Variants in SLCO1C1 observed in about 807,000 individuals in gnomAD.
SLCO1C1 encodes solute carrier organic anion transporter family member 1C1, also known as OAT-RP-5.
A neutral mutation model predicts 76.4 loss-of-function variants in SLCO1C1; 70 were observed. The observed-to-expected ratio is 0.92, with a 90% confidence interval of 0.76 to 1.12. The LOEUF (loss-of-function observed/expected upper bound fraction) is 1.12. Ranked by LOEUF, SLCO1C1 falls within the 50% of genes most tolerant of loss-of-function variation. SLCO1C1 has a pLI of 0.00. For missense variants in SLCO1C1, 912 were observed against 823.8 expected (o/e 1.11, Z -1.31); for synonymous variants, 306 against 286.1 (o/e 1.07, Z -0.70).
intron 6 of SLCO1C1, among the ~76,000 whole-genome samples, chr12:20,715,592 G>T (rs2120706850): frequency 6.6e-6 from 1 of 152,282 alleles, no homozygotes; most frequent in South Asian, 2.1e-4. Context: ...TCTTTTTAGT[G>T]GGTTAACTGT....
chr12:20,699,243 A>C (rs925435746), intron 1 of SLCO1C1, among the ~76,000 whole-genome samples: 2 of 152,016 alleles, frequency 1.3e-5, no homozygotes, highest in Non-Finnish European at 2.9e-5. Flanking sequence ...AACTGGCAAG[A>C]CCACAAAGTT....
intron 1 of SLCO1C1, among the ~76,000 whole-genome samples, chr12:20,698,117 T>C (rs1210400689): frequency 6.6e-6 from 1 of 152,038 alleles, no homozygotes; most frequent in Non-Finnish European, 1.5e-5. Flanking sequence ...TTAAACTTAC[T>C]TCAACATTCG....
At chr12:20,726,042 G>A (rs1008768410) in intron 9 of SLCO1C1, among the ~76,000 whole-genome samples, 1 of 152,046 alleles carries the variant, frequency 6.6e-6, no homozygotes, top group Non-Finnish European at 1.5e-5. Context: ...AGTATGGGGT[G>A]CAGCCGACTA....
intron 13 of SLCO1C1, among the ~76,000 whole-genome samples, chr12:20,746,765 G>T (rs368247082): frequency 6.6e-6 from 1 of 150,998 alleles, no homozygotes; most frequent in Admixed American, 6.6e-5. Flanking sequence ...ATGTTATAAA[G>T]AAGAATTAAA....
At chr12:20,697,912 C>T (rs900222925) in intron 1 of SLCO1C1, among the ~76,000 whole-genome samples, 3 of 152,022 alleles carry the variant, frequency 2.0e-5, no homozygotes, top group Non-Finnish European at 4.4e-5. Context: ...TTATCTGTTT[C>T]CATTATCGGC....
rs146526055 is a variant in SLCO1C1, at chr12:20,711,440, G to A, written c.459G>A (p.Pro153=). Residue 153 remains proline, a synonymous_variant, in exon 5 of 15, where the codon CCG becomes CCA. Coordinates refer to ENST00000266509, the MANE Select transcript of SLCO1C1 (RefSeq NM_017435.5). ...PSSNSTLSIS[P]CLLESSSQLP... ...CCAATTCCACTCTCAGCATCTCTCCGTGTCTCCTAGAGTCAAGCAGTCAAT... is the reference window on the plus strand; with the variant it reads ...CCAATTCCACTCTCAGCATCTCTCCATGTCTCCTAGAGTCAAGCAGTCAAT... The A allele has an allele frequency of 7.1e-5, 114 of 1,613,732 alleles. No homozygotes were observed. Among genetic ancestry groups the A allele is most frequent in the African/African-American group, 5.7e-4 (43 of 75,004 alleles).
intron 5 of SLCO1C1, among the ~76,000 whole-genome samples, chr12:20,713,689 G>A (rs1423799692): frequency 6.6e-6 from 1 of 152,200 alleles, no homozygotes; most frequent in African/African-American, 2.4e-5. Context: ...CAGCAGAGCT[G>A]TCCACAGAAC....
rs187400489 is a variant in SLCO1C1, at chr12:20,731,906, A to G, written c.1187-1003A>G. Among the ~76,000 whole-genome samples the G allele has an allele frequency of 5.4e-4, 83 of 152,342 alleles. 1 individual carries two copies. The Middle Eastern group carries it at 0.017, about 31-fold the overall frequency. On this transcript the variant is annotated intron_variant, in intron 9 of 14. Transcript: ENST00000266509. ...AACATTGTGCTGATAACTCTTCACA[A>G]ATAATGGAATTTAGTTACCTCAATA... is the stretch of plus-strand genomic sequence containing the variant.
rs900233717 is a variant in SLCO1C1 at position 20,738,840 on chromosome 12, T to C, written c.1549-1344T>C. Among the ~76,000 whole-genome samples, 11 of 152,166 alleles carry C rather than the reference T, an allele frequency of 7.2e-5. No homozygotes were observed. In the East Asian group the frequency reaches 7.7e-4, roughly 11 times the overall value. On this transcript the variant is annotated intron_variant, in intron 11 of 14. Coordinates refer to ENST00000266509, the MANE Select transcript of SLCO1C1 (RefSeq NM_017435.5). ...TCATGTGAGAACTGAGGCACTGAGA[T>C]ACAAAGGACTTGCTTAACTCATTTA...
chr12:20,705,287 T>C (rs1334640940), intron 3 of SLCO1C1, among the ~76,000 whole-genome samples: 1 of 151,980 alleles, frequency 6.6e-6, no homozygotes, highest in Non-Finnish European at 1.5e-5. Context: ...GCACATTTTA[T>C]AGAGATTTTG....
intron 3 of SLCO1C1, among the ~76,000 whole-genome samples, chr12:20,702,762 A>G (rs1515779): frequency 0.039 from 5,903 of 151,992 alleles, 133 homozygotes; most frequent in Middle Eastern, 0.065. Context: ...ACAAGGAGAA[A>G]GAGGTAACTG....
At chr12:20,732,852 GT>G (rs1948355024) in intron 9 of SLCO1C1, 56 bp from the exon 10 acceptor site, 1 of 1,575,920 alleles carries the variant, frequency 6.3e-7, no homozygotes, top group Non-Finnish European at 8.7e-7. Flanking sequence ...GTTTGTGTTA[GT>G]ACACTCAAAT....
In SLCO1C1 at chr12:20,714,131, G is replaced by A. The variant is rs115301847; in HGVS notation, c.530-1008G>A. On this transcript the variant is annotated intron_variant, in intron 5 of 14. Coordinates refer to ENST00000266509, the MANE Select transcript of SLCO1C1 (RefSeq NM_017435.5). ...AGGAGTCTTTTCTGTTAGTTATGCAGTCTGATTCACTTGCCCAAAGGTGTT... is the reference window on the plus strand; with the variant it reads ...AGGAGTCTTTTCTGTTAGTTATGCAATCTGATTCACTTGCCCAAAGGTGTT... Among the ~76,000 whole-genome samples the A allele has an allele frequency of 8.4e-4, 128 of 152,300 alleles. 1 individual carries two copies. Among genetic ancestry groups the A allele is most frequent in the African/African-American group, 2.7e-3 (112 of 41,570 alleles).
chr12:20,709,046 G>A (rs967911746), intron 4 of SLCO1C1, among the ~76,000 whole-genome samples: 3 of 152,148 alleles, frequency 2.0e-5, no homozygotes, highest in Non-Finnish European at 2.9e-5. Flanking sequence ...TTGGAGAATT[G>A]ATTCTGGTGG....
In SLCO1C1 at chr12:20,722,019, G is replaced by C. The variant is rs1236459155; in HGVS notation, c.991G>C (p.Glu331Gln). 1.2e-6 allele frequency: 2 copies of C among 1,613,414 alleles called. No homozygotes were observed. Among genetic ancestry groups the C allele is most frequent in the African/African-American group, 2.7e-5 (2 of 74,888 alleles). Residue 331 changes from glutamate (E) to glutamine (Q), a missense_variant, in exon 8 of 15, where the codon GAA (glutamate) becomes CAA (glutamine). By Grantham distance (29) the Glu-to-Gln change is conservative. Transcript: ENST00000266509. ...CACAGACTACCAAACACCCCAGGGA[G>C]AAAATGCAAAAATAATGGAAATGGC... ...DHTDYQTPQG[E>Q]NAKIMEMARD...
rs776575826 is a variant in SLCO1C1 at position 20,721,827 on chromosome 12, G to T, written c.799G>T (p.Asp267Tyr). 12 of 1,613,950 alleles carry T rather than the reference G, an allele frequency of 7.4e-6. No homozygotes were observed. Among genetic ancestry groups the T allele is most frequent in the East Asian group, 2.2e-5 (1 of 44,888 alleles). ...AGATCACATAACCATTACCCCAAAA[G>T]ATCCCCAGTGGGTAGGAGCCTGGTG... Reference protein sequence around the residue: ...NLDHITITPKDPQWVGAWWLG... With the variant: ...NLDHITITPKYPQWVGAWWLG... Residue 267 changes from aspartate to tyrosine, a missense_variant, in exon 8 of 15, where the codon GAT (aspartate) becomes TAT (tyrosine). Asp to Tyr is a radical substitution (Grantham distance 160, BLOSUM62 -3). Transcript: ENST00000266509.
chr12:20,731,809 C>A (rs566927937), intron 9 of SLCO1C1, among the ~76,000 whole-genome samples: 4 of 152,300 alleles, frequency 2.6e-5, no homozygotes, highest in African/African-American at 9.6e-5. Context: ...CCATTCCCCA[C>A]CCCACCTCCA....
intron 12 of SLCO1C1, 81 bp from the exon 13 acceptor site, chr12:20,743,224 T>C (rs1948899766): frequency 7.7e-7 from 1 of 1,305,024 alleles, no homozygotes; most frequent in African/African-American, 1.4e-5. Flanking sequence ...ATTTCATGTA[T>C]GTTAGGCAGA....
chr12:20,751,711 G>A (rs1485599880), intron 14 of SLCO1C1, among the ~76,000 whole-genome samples: 1 of 152,072 alleles, frequency 6.6e-6, no homozygotes, highest in Admixed American at 6.5e-5. Flanking sequence ...ATGTTTTCAA[G>A]GTAACCAGAA....
Sources: allele counts gnomAD v4.1 joint callset (sites outside exome capture counted in the v4.1 genomes callset), GRCh38; gene constraint gnomAD v4.1.1; transcripts MANE v1.5; gene names NCBI Gene and HGNC (gene_info 2026-07-23, HGNC 2026-07-21).